The following NUCB2 variants were observed in gnomAD, a reference collection of about 807,000 sequenced individuals.
NUCB2 encodes the protein nucleobindin 2.
NUCB2 carries 48 observed loss-of-function variants against 57.9 expected under a neutral mutation model. That is an observed-to-expected ratio of 0.83 (90% confidence interval 0.66 to 1.05). NUCB2 has a LOEUF of 1.05. NUCB2 is among the 50% of genes least tolerant of loss of function. NUCB2 has a pLI of 0.00. For synonymous variants in NUCB2, 139 were observed against 152.1 expected (o/e 0.91, Z 0.64); for missense variants, 442 against 476.2 (o/e 0.93, Z 0.67).
At chr11:17,335,357 G>C (rs181821733), downstream of NUCB2, among the ~76,000 whole-genome samples, 1 of 152,254 alleles carries the variant, frequency 6.6e-6, no homozygotes, top group African/African-American at 2.4e-5. Flanking sequence ...TTTGGCTCAA[G>C]TAAATGATGG....
intron 2 of NUCB2, among the ~76,000 whole-genome samples, chr11:17,347,261 C>G (rs1952820688): frequency 6.6e-6 from 1 of 152,176 alleles, no homozygotes; most frequent in Non-Finnish European, 1.5e-5. Flanking sequence ...GAGTTTCTAC[C>G]TTTCCAAAGG....
chr11:17,319,011 G>GA (rs1022061739), intron 11 of NUCB2, among the ~76,000 whole-genome samples: 2 of 150,278 alleles, frequency 1.3e-5, no homozygotes, highest in East Asian at 1.9e-4. Context: ...TCTCTAAAAA[G>GA]AAAAAAAAAA....
chr11:17,328,663 G>A (rs1241742621), intron 11 of NUCB2, among the ~76,000 whole-genome samples: 3 of 151,992 alleles, frequency 2.0e-5, no homozygotes, highest in African/African-American at 7.3e-5. Flanking sequence ...CTGTCACCTT[G>A]CGGTAAATGC....
Position 17,330,284 on chromosome 11 carries a change from T to TG in NUCB2, c.1162dup (p.Glu388GlyfsTer30). 6.3e-7 allele frequency: 1 copy of TG among 1,597,620 alleles called. No individual in the cohort carries two copies. Among genetic ancestry groups the TG allele is most frequent in the Non-Finnish European group, 8.5e-7 (1 of 1,175,860 alleles). ...CATGATCAACTGGAGGCTCAGAAGCTGGAATATCATCAGGTGGCATTTTGT... is the reference window on the plus strand; with the variant it reads ...CATGATCAACTGGAGGCTCAGAAGCTGGGAATATCATCAGGTGGCATTTTGT... On this transcript the variant is annotated frameshift_variant, in exon 12 of 14. Coordinates refer to ENST00000529010, the MANE Select transcript of NUCB2 (RefSeq NM_005013.4). LOFTEE classifies it high-confidence loss of function. This position sits in a 1 kb window ranked among gnomAD's most constrained non-coding sequence, Gnocchi z 4.3.
intron 1 of NUCB2, among the ~76,000 whole-genome samples, chr11:17,281,827 C>G (rs1197225242): frequency 6.6e-6 from 1 of 151,734 alleles, no homozygotes; most frequent in African/African-American, 2.4e-5. Context: ...AAATACATGT[C>G]TCCTTAAAAT....
chr11:17,290,487 T>C (rs748155058), intron 2 of NUCB2, among the ~76,000 whole-genome samples: 2 of 152,050 alleles, frequency 1.3e-5, no homozygotes, highest in African/African-American at 2.4e-5. Flanking sequence ...GGCAAGAGGA[T>C]TGCTTGAGCC....
At chr11:17,281,886 A>G (rs937867916) in intron 1 of NUCB2, among the ~76,000 whole-genome samples, 5 of 152,008 alleles carry the variant, frequency 3.3e-5, no homozygotes, top group Admixed American at 3.3e-4. Context: ...CTTAGAAATA[A>G]CTGCTTATGT....
At chr11:17,303,320 T>C (rs1232054993) in intron 5 of NUCB2, among the ~76,000 whole-genome samples, 2 of 152,192 alleles carry the variant, frequency 1.3e-5, no homozygotes, top group Non-Finnish European at 2.9e-5. Context: ...TCAAAATTAT[T>C]ATGTCTCCAA....
At chr11:17,278,627 A>T (rs1941880198) in intron 1 of NUCB2, 1 of 152,256 alleles carries the variant, frequency 6.6e-6, no homozygotes, top group East Asian at 1.9e-4. Context: ...AACAGTTGAG[A>T]TAAAATGCAC....
chr11:17,286,157 C>A (rs546492738), intron 2 of NUCB2, among the ~76,000 whole-genome samples: 1 of 152,254 alleles, frequency 6.6e-6, no homozygotes, highest in East Asian at 1.9e-4. Context: ...CCTCATCCCC[C>A]ACCAAGTAGC....
chr11:17,329,590 C>T (rs866894151), intron 11 of NUCB2, among the ~76,000 whole-genome samples: 1 of 152,186 alleles, frequency 6.6e-6, no homozygotes, highest in African/African-American at 2.4e-5. Flanking sequence ...AATGTAAAGT[C>T]CCCCAGTCGC....
At chr11:17,332,847 G>T (rs117276566), downstream of NUCB2, 8,598 of 152,196 alleles carry the variant, frequency 0.056, 274 homozygotes, top group Middle Eastern at 0.1. Flanking sequence ...CTAGTAGCTA[G>T]GACTACAGGC....
At chr11:17,288,878 TATATACACACACACACAC>T (rs1944312844) in intron 2 of NUCB2, among the ~76,000 whole-genome samples, 2 of 50,918 alleles carry the variant, frequency 3.9e-5, no homozygotes, top group African/African-American at 1.3e-4. Context: ...TAATAACATG[TATATACACACACACACAC>T]ACACACACAC....
chr11:17,296,230 T>C lies in NUCB2; in HGVS notation c.252+19T>C. 7.1e-7 allele frequency: 1 copy of C among 1,416,394 alleles called. No individual in the cohort carries two copies. The highest frequency in any genetic ancestry group is 9.8e-7 in the Non-Finnish European group (1 of 1,018,194). 87.7% of individuals were successfully genotyped at this position (1,416,394 alleles called of 1,614,324 possible). ...AATAAAGGTAAATGCAATTCAATAA[T>C]ATATACATATATGTATCTTAATTTA... On this transcript the variant is annotated intron_variant, in intron 4 of 13. Coordinates refer to ENST00000529010, the MANE Select transcript of NUCB2 (RefSeq NM_005013.4).
chr11:17,290,248 C>A (rs187294753), intron 2 of NUCB2, among the ~76,000 whole-genome samples: 2 of 152,228 alleles, frequency 1.3e-5, no homozygotes, highest in East Asian at 3.9e-4. Flanking sequence ...ATTTTAATGC[C>A]AAATCATAGC....
chr11:17,329,798 T>C (rs773099892), intron 11 of NUCB2, among the ~76,000 whole-genome samples: 1 of 152,224 alleles, frequency 6.6e-6, no homozygotes, highest in Non-Finnish European at 1.5e-5. Flanking sequence ...TGCAGACAGC[T>C]GTTAAAATTT....
At chr11:17,309,394 C>A (rs922066619) in intron 5 of NUCB2, among the ~76,000 whole-genome samples, 178 bp from the exon 6 acceptor site, 1 of 151,944 alleles carries the variant, frequency 6.6e-6, no homozygotes, top group African/African-American at 2.4e-5. Flanking sequence ...AAGGACACTA[C>A]CTTTAACTAG....
intron 11 of NUCB2, among the ~76,000 whole-genome samples, chr11:17,317,974 C>CTTTTT (rs35264082): frequency 9.1e-6 from 1 of 109,924 alleles, no homozygotes; most frequent in African/African-American, 3.4e-5. Flanking sequence ...AAGAAGTCAG[C>CTTTTT]TTTTTTTTTT....
At chr11:17,332,673 T>C (rs1951508254), downstream of NUCB2, 1 of 151,076 alleles carries the variant, frequency 6.6e-6, no homozygotes, top group African/African-American at 2.4e-5. Flanking sequence ...TTTTCTGCCC[T>C]GAGAGCACCA....
Sources: gnomAD v4.1 joint callset for allele counts (sites outside exome capture counted in the v4.1 genomes callset) on GRCh38, gnomAD v4.1.1 for gene constraint, Gnocchi (gnomAD v3.1) non-coding constraint, MANE v1.5 for transcripts, NCBI Gene and HGNC (gene_info 2026-07-23, HGNC 2026-07-21) for gene names.